The following FOXP1 variants were observed in gnomAD, a reference collection of about 807,000 sequenced individuals.
FOXP1 encodes forkhead box P1.
In FOXP1, 15 loss-of-function variants were observed where a neutral mutation model predicts 98.2. The ratio of observed to expected loss-of-function variants is 0.15; its 90% confidence interval spans 0.10 to 0.24. The LOEUF is 0.24. Ranked by LOEUF, FOXP1 falls within the 10% of genes least tolerant of loss-of-function variation. FOXP1 has a pLI of 1.00. For missense variants in FOXP1, 633 were observed against 848.5 expected (o/e 0.75, Z 3.15); for synonymous variants, 371 against 314.5 (o/e 1.18, Z -1.90).
intron 11 of FOXP1, among the ~76,000 whole-genome samples, chr3:71,037,523 G>A (rs755862866): frequency 6.6e-4 from 101 of 152,116 alleles, no homozygotes; most frequent in Non-Finnish European, 1.1e-3. Context: ...CTGTCCCTAT[G>A]GAATAAAATG....
At chr3:71,024,722 G>C (rs1296132103) in intron 11 of FOXP1, among the ~76,000 whole-genome samples, 1 of 152,158 alleles carries the variant, frequency 6.6e-6, no homozygotes, top group Admixed American at 6.5e-5. Flanking sequence ...AGTCTATTAA[G>C]TGCCAGATTT....
intron 2 of FOXP1, among the ~76,000 whole-genome samples, chr3:71,550,476 AATC>A (rs2045692458): frequency 6.6e-6 from 1 of 152,198 alleles, no homozygotes; most frequent in South Asian, 2.1e-4. Flanking sequence ...AAACAATTAA[AATC>A]ATACTGCCAC....
At chr3:71,303,748 A>T (rs183868559) in intron 4 of FOXP1, among the ~76,000 whole-genome samples, 6 of 152,272 alleles carry the variant, frequency 3.9e-5, no homozygotes, top group East Asian at 1.9e-4. Flanking sequence ...GAAAAGAAAA[A>T]AAAGTGGGGA....
intron 7 of FOXP1, among the ~76,000 whole-genome samples, chr3:71,085,968 T>G (rs897970544): frequency 6.6e-6 from 1 of 152,008 alleles, no homozygotes; most frequent in Admixed American, 6.6e-5. Context: ...GACCTCGTGA[T>G]CTGCCCGCCT....
At chr3:71,213,870 TACAAAC>T (rs1224630875) in intron 5 of FOXP1, among the ~76,000 whole-genome samples, 1 of 152,174 alleles carries the variant, frequency 6.6e-6, no homozygotes, top group Non-Finnish European at 1.5e-5. Context: ...ATTCAAATCT[TACAAAC>T]ACATAAAAAT....
chr3:71,359,810 G>C (rs1200230486), intron 3 of FOXP1, among the ~76,000 whole-genome samples: 3 of 152,092 alleles, frequency 2.0e-5, no homozygotes, highest in Admixed American at 6.6e-5. Flanking sequence ...TATTTTTCCA[G>C]ACACAGTCTT....
chr3:71,533,028 A>C lies in FOXP1; in HGVS notation c.-297-39473T>G, dbSNP rs552963584. 2.0e-5 allele frequency among the ~76,000 whole-genome samples: 3 copies of C among 152,356 alleles called. No homozygotes were observed. The East Asian group carries it at 5.8e-4, about 29-fold the overall frequency. ...CTGCAATCAGAAAGAAAGAGTTTAG[A>C]ATCTACCAGAAGGTAAAGTTACCAT... On this transcript the variant is annotated intron_variant, in intron 2 of 20. Coordinates refer to ENST00000649528, the MANE Select transcript of FOXP1 (RefSeq NM_001349338.3).
At chr3:71,141,229 CCG>C (rs369768943) in intron 6 of FOXP1, among the ~76,000 whole-genome samples, 29 of 148,914 alleles carry the variant, frequency 1.9e-4, no homozygotes, top group African/African-American at 5.3e-4. Flanking sequence ...GATGGCACCA[CCG>C]CATTCCAGCC....
chr3:71,444,489 G>A (rs1028345225), intron 3 of FOXP1, among the ~76,000 whole-genome samples: 2 of 151,384 alleles, frequency 1.3e-5, no homozygotes, highest in Non-Finnish European at 2.9e-5. Context: ...CTCTCTCCTT[G>A]CAGCACTTCC....
intron 6 of FOXP1, among the ~76,000 whole-genome samples, chr3:71,129,875 A>C (rs1370304285): frequency 6.6e-6 from 1 of 152,212 alleles, no homozygotes; most frequent in African/African-American, 2.4e-5. Context: ...GCCTTCCAAC[A>C]TCAAAGTTAA....
chr3:71,483,453 T>C (rs1347539328), intron 3 of FOXP1, among the ~76,000 whole-genome samples: 1 of 152,204 alleles, frequency 6.6e-6, no homozygotes, highest in Non-Finnish European at 1.5e-5. Context: ...AGACTGGGGC[T>C]TGGCAAACTA....
intron 4 of FOXP1, among the ~76,000 whole-genome samples, chr3:71,355,223 C>T (rs956910288): frequency 2.6e-5 from 4 of 152,186 alleles, no homozygotes; most frequent in Non-Finnish European, 5.9e-5. Context: ...GGGAAATCCC[C>T]AGACTCTGAC....
rs1367318181 is a variant in FOXP1, at chr3:71,581,663, C to G, written c.-412G>C. ...TGCCCCCGGCCCGCTCGCTCGCTCG[C>G]CGCGCGCTCTCTTCCTCTTACAAAC... On this transcript the variant is annotated 5_prime_UTR_variant, in exon 2 of 21. Coordinates refer to ENST00000649528, the MANE Select transcript of FOXP1 (RefSeq NM_001349338.3). 1 of 985,838 alleles carries G rather than the reference C, an allele frequency of 1.0e-6. No individual in the cohort carries two copies. The highest frequency in any genetic ancestry group is 1.1e-4 in the East Asian group (1 of 8,808). The allele number at this position is 985,838 out of a possible 1,614,324, so 61.1% of individuals were successfully genotyped here.
rs554728627 is a variant in FOXP1, at chr3:71,565,451, G to C, written c.-298+16098C>G. 3.3e-5 allele frequency among the ~76,000 whole-genome samples: 5 copies of C among 152,272 alleles called. No individual in the cohort carries two copies. In the South Asian group the frequency reaches 6.2e-4, roughly 19 times the overall value. The stretch of plus-strand genomic sequence containing the variant: ...ACACATATTTGGTGGCAGTGATGGG[G>C]GGGGAGCTAAACAGACTCTTAATAA... On this transcript the variant is annotated intron_variant, in intron 2 of 20. Coordinates refer to ENST00000649528, the MANE Select transcript of FOXP1 (RefSeq NM_001349338.3).
chr3:71,296,438 A>C (rs941668070), intron 5 of FOXP1: 1 of 152,174 alleles, frequency 6.6e-6, no homozygotes, highest in African/African-American at 2.4e-5. Flanking sequence ...CAAACCTTTT[A>C]TTTCTTTCTA....
At chr3:71,132,335 C>G (rs965142513) in intron 6 of FOXP1, among the ~76,000 whole-genome samples, 1 of 152,184 alleles carries the variant, frequency 6.6e-6, no homozygotes, top group Non-Finnish European at 1.5e-5. Context: ...TAGATGTGTT[C>G]TGTCCTACAG....
chr3:71,062,724 G>C lies in FOXP1; in HGVS notation c.283-8951C>G, dbSNP rs868767556. On this transcript the variant is annotated intron_variant, in intron 7 of 20. Coordinates refer to ENST00000649528, the MANE Select transcript of FOXP1 (RefSeq NM_001349338.3). ...CATTTCCTTAACTAACCAACTTTTC[G>C]TCAGACAAGCTGCACATTTGGGCAG... Among the ~76,000 whole-genome samples the C allele has an allele frequency of 3.3e-5, 5 of 152,160 alleles. No homozygotes were observed. In the Middle Eastern group the frequency reaches 0.01, roughly 311 times the overall value.
chr3:71,483,856 T>A (rs1302917954), intron 3 of FOXP1, among the ~76,000 whole-genome samples: 1 of 151,560 alleles, frequency 6.6e-6, no homozygotes, highest in Non-Finnish European at 1.5e-5. Context: ...TAAAAAAAAA[T>A]AAAAATAAAT....
intron 6 of FOXP1, among the ~76,000 whole-genome samples, chr3:71,135,424 T>G (rs563200433): frequency 2.2e-4 from 34 of 151,870 alleles, no homozygotes; most frequent in Non-Finnish European, 4.7e-4. Context: ...AGGAAAAAAG[T>G]AAACAGGCCC....
Sources: allele counts gnomAD v4.1 joint callset (sites outside exome capture counted in the v4.1 genomes callset), GRCh38; gene constraint gnomAD v4.1.1; transcripts MANE v1.5; gene names NCBI Gene and HGNC (gene_info 2026-07-23, HGNC 2026-07-21).